Variants in FMNL2 observed in about 807,000 individuals in gnomAD.
FMNL2 encodes formin like 2.
FMNL2 carries 51 observed loss-of-function variants against 130.2 expected under a neutral mutation model. That is an observed-to-expected ratio of 0.39 (90% confidence interval 0.31 to 0.49). The LOEUF (loss-of-function observed/expected upper bound fraction) is 0.49, where lower values mean the gene tolerates loss of function less well. Ranked by LOEUF, FMNL2 falls within the 20% of genes least tolerant of loss-of-function variation. The pLI is 0.85. For missense variants in FMNL2, 977 were observed against 1,316.2 expected, an observed-to-expected ratio of 0.74 and a Z score of 3.99; for synonymous variants, 465 against 467.1, an observed-to-expected ratio of 1.00 and a Z score of 0.06.
intron 1 of FMNL2, among the ~76,000 whole-genome samples, chr2:152,380,631 C>T (rs1017759693): frequency 1.3e-5 from 2 of 152,176 alleles, no homozygotes; most frequent in African/African-American, 4.8e-5. Flanking sequence ...TTGGCTGTCT[C>T]CTAATGGATT....
At chr2:152,462,886 T>C (rs1343079898) in intron 1 of FMNL2, among the ~76,000 whole-genome samples, 1 of 152,208 alleles carries the variant, frequency 6.6e-6, no homozygotes, top group Non-Finnish European at 1.5e-5. Flanking sequence ...TTGTTTTCTC[T>C]CTCTTCATAA....
chr2:152,533,599 G>T (rs1322686282), intron 2 of FMNL2, among the ~76,000 whole-genome samples: 6 of 70,434 alleles, frequency 8.5e-5, no homozygotes, highest in Admixed American at 1.3e-4. Context: ...TAGTTCCTTT[G>T]CATTTTAATA....
intron 9 of FMNL2, among the ~76,000 whole-genome samples, chr2:152,599,107 G>T (rs944329049): frequency 6.6e-6 from 1 of 152,202 alleles, no homozygotes; most frequent in Non-Finnish European, 1.5e-5. Flanking sequence ...GCCCTCAGTG[G>T]ATTGGAGACG....
intron 1 of FMNL2, among the ~76,000 whole-genome samples, chr2:152,428,319 A>T (rs1023441670): frequency 6.6e-6 from 1 of 152,216 alleles, no homozygotes; most frequent in Non-Finnish European, 1.5e-5. Context: ...AGGGACAAAA[A>T]GCAAGCAAAC....
chr2:152,639,388 G>C (rs1170975508), intron 23 of FMNL2, among the ~76,000 whole-genome samples: 1 of 152,182 alleles, frequency 6.6e-6, no homozygotes, highest in Non-Finnish European at 1.5e-5. Flanking sequence ...GGGGAGGCCG[G>C]CTTCAAAAGA....
chr2:152,516,003 T>A (rs894876153), intron 1 of FMNL2, among the ~76,000 whole-genome samples: 1 of 152,152 alleles, frequency 6.6e-6, no homozygotes, highest in South Asian at 2.1e-4. Context: ...CTAGTCTAAT[T>A]CCAGAGCCCA....
intron 9 of FMNL2, among the ~76,000 whole-genome samples, chr2:152,588,076 A>C (rs1373976241): frequency 1.3e-5 from 2 of 152,224 alleles, no homozygotes; most frequent in Non-Finnish European, 2.9e-5. Flanking sequence ...TTCCTTTCCC[A>C]TTGCTGCTGT....
At chr2:152,341,329 A>G (rs1322550146) in intron 1 of FMNL2, among the ~76,000 whole-genome samples, 4 of 152,342 alleles carry the variant, frequency 2.6e-5, no homozygotes, top group African/African-American at 9.6e-5. Context: ...TAATAATACC[A>G]GTAAAAACTG....
chr2:152,357,170 C>T (rs1045368074), intron 1 of FMNL2, among the ~76,000 whole-genome samples: 7 of 113,884 alleles, frequency 6.1e-5, no homozygotes, highest in African/African-American at 2.2e-4. Context: ...TAATGTATCA[C>T]GATAAATATT....
intron 9 of FMNL2, among the ~76,000 whole-genome samples, chr2:152,598,091 A>C (rs1326060816): frequency 6.6e-6 from 1 of 152,246 alleles, no homozygotes; most frequent in Non-Finnish European, 1.5e-5. Flanking sequence ...TGAGGAGAGC[A>C]TGGGCTGATA....
At chr2:152,619,864 T>C (rs1414494909) in intron 15 of FMNL2, 146 bp downstream of exon 15, 2 of 1,443,498 alleles carry the variant, frequency 1.4e-6, no homozygotes, top group Non-Finnish European at 1.8e-6. Context: ...ATGTAGCCGA[T>C]AGAGGGAACA....
chr2:152,639,835 T>TTGGTGG, intron 23 of FMNL2, 123 bp from the exon 24 acceptor site: 6 of 794,864 alleles, frequency 7.5e-6, no homozygotes, highest in South Asian at 3.8e-5. Context: ...AGTGTAGATC[T>TTGGTGG]TCTCAACCTT....
intron 1 of FMNL2, among the ~76,000 whole-genome samples, chr2:152,401,103 TTGTAGCTCTC>T (rs1685669372): frequency 6.6e-6 from 1 of 152,040 alleles, no homozygotes; most frequent in Non-Finnish European, 1.5e-5. Context: ...GACTATTTCA[TTGTAGCTCTC>T]AACAGGCCTG....
At chr2:152,495,703 T>C (rs1337434530) in intron 1 of FMNL2, among the ~76,000 whole-genome samples, 2 of 124,274 alleles carry the variant, frequency 1.6e-5, no homozygotes, top group Non-Finnish European at 3.5e-5. Context: ...TTACACCTCC[T>C]AGTTGAGAGG....
At chr2:152,564,782 T>TG (rs1281554417) in intron 6 of FMNL2, among the ~76,000 whole-genome samples, 3 of 145,554 alleles carry the variant, frequency 2.1e-5, no homozygotes, top group Middle Eastern at 3.7e-3. Context: ...GTTGGTTTTT[T>TG]TTTTTTTTTT....
At chr2:152,444,016 C>A (rs1688208020) in intron 1 of FMNL2, among the ~76,000 whole-genome samples, 1 of 152,116 alleles carries the variant, frequency 6.6e-6, no homozygotes. Flanking sequence ...ACGCTAGACA[C>A]TGAGGGTTCA....
At chr2:152,540,697 G>T (rs1233831476) in intron 2 of FMNL2, among the ~76,000 whole-genome samples, 2 of 116,560 alleles carry the variant, frequency 1.7e-5, no homozygotes, top group Non-Finnish European at 3.5e-5. Context: ...GTGGTGGGGT[G>T]GGGGGAGGGG....
At chr2:152,466,435 G>A (rs900504178) in intron 1 of FMNL2, among the ~76,000 whole-genome samples, 12 of 152,202 alleles carry the variant, frequency 7.9e-5, no homozygotes, top group African/African-American at 2.9e-4. Context: ...AGAAGTATCT[G>A]GAATTCTCTT....
intron 1 of FMNL2, among the ~76,000 whole-genome samples, chr2:152,338,877 G>A (rs148568954): frequency 6.2e-4 from 91 of 146,476 alleles, no homozygotes; most frequent in Admixed American, 1.0e-3. Flanking sequence ...CTTTGTGTGT[G>A]TGTATGTGCA....
Sources: allele counts gnomAD v4.1 joint callset (sites outside exome capture counted in the v4.1 genomes callset), GRCh38; gene constraint gnomAD v4.1.1; transcripts MANE v1.5; gene names NCBI Gene and HGNC (gene_info 2026-07-23, HGNC 2026-07-21).